Variants in STK38L observed in about 807,000 individuals in gnomAD.
STK38L encodes the protein serine/threonine-protein kinase 38-like.
Under a neutral mutation model 59.7 loss-of-function variants are expected in STK38L, and 28 were observed. The ratio of observed to expected loss-of-function variants is 0.47; its 90% CI spans 0.35 to 0.64. The LOEUF (loss-of-function observed/expected upper bound fraction) is 0.64. Among genes scored for constraint, STK38L ranks in the 30% least tolerant of loss-of-function variants. The probability of loss-of-function intolerance (pLI) is 0.01; values close to 1 mark genes in which losing one functional copy is unlikely to be tolerated. For missense variants in STK38L, 314 were observed against 555.8 expected (o/e 0.56, Z 4.37); for synonymous variants, 162 against 176.8 (o/e 0.92, Z 0.66).
chr12:27,314,404 A>C, intron 6 of STK38L, 100 bp from the exon 7 acceptor site: 2 of 786,808 alleles, frequency 2.5e-6, no homozygotes, highest in Non-Finnish European at 3.4e-6. Flanking sequence ...CTGTCTCCAA[A>C]AAAAAAAAAA....
intron 1 of STK38L, among the ~76,000 whole-genome samples, chr12:27,289,849 T>C (rs1251044343): frequency 6.6e-6 from 1 of 152,184 alleles, no homozygotes; most frequent in Non-Finnish European, 1.5e-5. Flanking sequence ...CTACCAAGAG[T>C]TCTTTTTTTA....
At chr12:27,317,668 A>G (rs1944619409) in intron 10 of STK38L, 1 of 718,494 alleles carries the variant, frequency 1.4e-6, no homozygotes, top group African/African-American at 1.8e-5. Flanking sequence ...TCCCACGTAT[A>G]AAAGTGGTTA....
At chr12:27,294,618 C>T (rs946889451) in intron 1 of STK38L, among the ~76,000 whole-genome samples, 1 of 151,890 alleles carries the variant, frequency 6.6e-6, no homozygotes, top group Non-Finnish European at 1.5e-5. Flanking sequence ...GTCCATCCTT[C>T]CTCTCCCATC....
intron 1 of STK38L, among the ~76,000 whole-genome samples, chr12:27,296,408 G>A (rs189158535): frequency 6.6e-6 from 1 of 152,316 alleles, no homozygotes; most frequent in East Asian, 1.9e-4. Context: ...GTACATTGAG[G>A]TATAAACCCC....
At chr12:27,315,810 TA>T (rs1470099187) in intron 9 of STK38L, among the ~76,000 whole-genome samples, 1 of 152,198 alleles carries the variant, frequency 6.6e-6, no homozygotes, top group Non-Finnish European at 1.5e-5. Flanking sequence ...ATAAAACAGA[TA>T]AAATTTGAAA....
chr12:27,284,841 T>C (rs1943736004), intron 1 of STK38L, among the ~76,000 whole-genome samples: 1 of 152,206 alleles, frequency 6.6e-6, no homozygotes, highest in South Asian at 2.1e-4. Context: ...CCTTCCTGCC[T>C]CAAAGTTTTT....
At chr12:27,285,633 C>T (rs1943755485) in intron 1 of STK38L, among the ~76,000 whole-genome samples, 1 of 152,204 alleles carries the variant, frequency 6.6e-6, no homozygotes, top group Non-Finnish European at 1.5e-5. Context: ...CACCACTCAT[C>T]CTTTTCCTGC....
intron 5 of STK38L, among the ~76,000 whole-genome samples, chr12:27,309,476 A>C (rs1944406986): frequency 6.6e-6 from 1 of 152,206 alleles, no homozygotes. Context: ...CAAGTCAAAA[A>C]TGAAAGTTTG....
chr12:27,271,631 T>C (rs894592111), intron 1 of STK38L, among the ~76,000 whole-genome samples: 1 of 152,218 alleles, frequency 6.6e-6, no homozygotes, highest in Non-Finnish European at 1.5e-5. Flanking sequence ...GATAGAGCCA[T>C]TCTAAAAGAC....
intron 1 of STK38L, among the ~76,000 whole-genome samples, chr12:27,275,557 C>G (rs1453275322): frequency 6.6e-6 from 1 of 151,780 alleles, no homozygotes; most frequent in African/African-American, 2.4e-5. Flanking sequence ...CAGGCTGGCC[C>G]TGAACCCCTG....
Position 27,308,483 on chromosome 12 carries a change from A to G in STK38L, c.309+22A>G. The G allele has an allele frequency of 6.5e-7, 1 of 1,544,208 alleles. No individual in the cohort carries two copies. The highest frequency in any genetic ancestry group is 8.7e-7 in the Non-Finnish European group (1 of 1,149,098). On this transcript the variant is annotated intron_variant, in intron 4 of 13. Transcript: ENST00000389032. This position sits in a 1 kb window ranked among gnomAD's most constrained non-coding sequence, Gnocchi z 4.5. ...AGAGGTGTGCTTCTTTTTAAAAGTCACTACTGCTGCAAATATATATCTTAA... is the reference window on the plus strand; with the variant it reads ...AGAGGTGTGCTTCTTTTTAAAAGTCGCTACTGCTGCAAATATATATCTTAA...
At chr12:27,296,463 T>G (rs1944024384) in intron 1 of STK38L, among the ~76,000 whole-genome samples, 1 of 152,238 alleles carries the variant, frequency 6.6e-6, no homozygotes, top group African/African-American at 2.4e-5. Context: ...AGATAATTGT[T>G]TGCTTTCAAC....
intron 1 of STK38L, among the ~76,000 whole-genome samples, chr12:27,256,853 C>T (rs560894207): frequency 6.6e-6 from 1 of 152,146 alleles, no homozygotes; most frequent in Non-Finnish European, 1.5e-5. Context: ...GACCTCTTGC[C>T]TTCCTGGTCA....
chr12:27,297,418 G>C (rs563265772), intron 1 of STK38L, among the ~76,000 whole-genome samples: 44 of 152,216 alleles, frequency 2.9e-4, no homozygotes, highest in Non-Finnish European at 5.4e-4. Context: ...TTGAATGCTT[G>C]TTGAATGTGA....
At chr12:27,272,306 C>G (rs889135632) in intron 1 of STK38L, among the ~76,000 whole-genome samples, 2 of 152,132 alleles carry the variant, frequency 1.3e-5, no homozygotes, top group Admixed American at 6.5e-5. Context: ...TTGGAATGAC[C>G]ATGTATAGGA....
chr12:27,248,770 A>G (rs527690643), intron 1 of STK38L, among the ~76,000 whole-genome samples: 1 of 152,276 alleles, frequency 6.6e-6, no homozygotes, highest in African/African-American at 2.4e-5. Context: ...CCTAATGGGA[A>G]GAGTAGCAGA....
chr12:27,268,252 C>T (rs141563928), intron 1 of STK38L, among the ~76,000 whole-genome samples: 29 of 152,102 alleles, frequency 1.9e-4, no homozygotes, highest in African/African-American at 4.8e-4. Flanking sequence ...TATCTCCTAA[C>T]GCTATCCCTC....
chr12:27,317,664 G>GT (rs1944619207), intron 10 of STK38L: 1 of 710,850 alleles, frequency 1.4e-6, no homozygotes, highest in Non-Finnish European at 2.3e-6. Flanking sequence ...AAACTCCCAC[G>GT]TATAAAAGTG....
At position 27,318,005 on chromosome 12, in the gene STK38L, G is replaced by A. The variant is rs1483215670; in HGVS notation, c.1065G>A (p.Lys355=). Residue 355 remains lysine, a synonymous_variant, in exon 11 of 14, where the codon AAG becomes AAA. Coordinates refer to ENST00000389032, the MANE Select transcript of STK38L (RefSeq NM_015000.4). ...PPEVPISEKA[K]DLILRFCIDS... ...AGGTACCTATATCTGAGAAAGCCAA[G>A]GACTTAATTCTCAGGTTAGTGGTTA... The A allele has an allele frequency of 1.2e-6, 2 of 1,613,954 alleles. No homozygotes were observed. Among genetic ancestry groups the A allele is most frequent in the Non-Finnish European group, 1.7e-6 (2 of 1,179,946 alleles).
Sources: gnomAD v4.1 joint callset for allele counts (sites outside exome capture counted in the v4.1 genomes callset) on GRCh38, gnomAD v4.1.1 for gene constraint, Gnocchi (gnomAD v3.1) non-coding constraint, MANE v1.5 for transcripts, NCBI Gene and HGNC (gene_info 2026-07-23, HGNC 2026-07-21) for gene names.